The following CNOT4 variants were observed in gnomAD, a reference collection of about 807,000 sequenced individuals.
The protein encoded by CNOT4 is CCR4-associated factor 4.
A neutral mutation model predicts 73.8 loss-of-function variants in CNOT4; 8 were observed. That is an observed-to-expected ratio of 0.11 (90% CI 0.06 to 0.20). The LOEUF (loss-of-function observed/expected upper bound fraction) is 0.20, where lower values mean the gene tolerates loss of function less well. Among genes scored for constraint, CNOT4 ranks in the 10% least tolerant of loss-of-function variants. The pLI is 1.00. For missense variants in CNOT4, 564 were observed against 883.4 expected (o/e 0.64, Z 4.58); for synonymous variants, 293 against 321.1 (o/e 0.91, Z 0.94).
At chr7:135,467,793 A>C (rs1342026647) in intron 1 of CNOT4, among the ~76,000 whole-genome samples, 2 of 152,218 alleles carry the variant, frequency 1.3e-5, no homozygotes, top group East Asian at 3.8e-4. Flanking sequence ...GAATGGTAAA[A>C]ATAAAGGAAA....
At chr7:135,475,770 G>A (rs925771151) in intron 1 of CNOT4, among the ~76,000 whole-genome samples, 2 of 151,992 alleles carry the variant, frequency 1.3e-5, no homozygotes, top group African/African-American at 4.8e-5. Flanking sequence ...AATCAGCCAC[G>A]CATGGTGGTG....
At chr7:135,485,148 C>T (rs1802635221) in intron 1 of CNOT4, among the ~76,000 whole-genome samples, 1 of 152,168 alleles carries the variant, frequency 6.6e-6, no homozygotes, top group South Asian at 2.1e-4. Context: ...TCTTGGCTCA[C>T]TGCAACCTCT....
At chr7:135,423,817 A>G (rs575653089) in intron 2 of CNOT4, among the ~76,000 whole-genome samples, 1 of 152,238 alleles carries the variant, frequency 6.6e-6, no homozygotes, top group South Asian at 2.1e-4. Context: ...CCTATTTGGC[A>G]TACTCCAACT....
Position 135,377,161 on chromosome 7 carries a change from T to A in CNOT4, c.1628-13095A>T, listed in dbSNP as rs10254018. Among the ~76,000 whole-genome samples the A allele has an allele frequency of 3.6e-3, 541 of 152,354 alleles. 6 individuals carry two copies. Among genetic ancestry groups the A allele is most frequent in the African/African-American group, 0.012 (512 of 41,580 alleles). ...CTCTGAAACTCAATGATTTTAGCTA[T>A]GTAAAATGTGTGATTAAAAATTAAG... On this transcript the variant is annotated intron_variant, in intron 10 of 11. Coordinates refer to ENST00000541284, the MANE Select transcript of CNOT4 (RefSeq NM_001190850.2).
intron 2 of CNOT4, among the ~76,000 whole-genome samples, chr7:135,433,920 G>C (rs1477688273): frequency 6.6e-6 from 1 of 152,132 alleles, no homozygotes; most frequent in East Asian, 1.9e-4. Context: ...TTAGCAGCTA[G>C]GACCAAACGG....
chr7:135,482,466 G>A (rs1802443129), intron 1 of CNOT4, among the ~76,000 whole-genome samples: 1 of 152,020 alleles, frequency 6.6e-6, no homozygotes, highest in South Asian at 2.1e-4. Flanking sequence ...TAAAGTGAAA[G>A]GATCGCTTGG....
At chr7:135,493,291 A>G (rs1361788375) in intron 1 of CNOT4, among the ~76,000 whole-genome samples, 3 of 152,196 alleles carry the variant, frequency 2.0e-5, no homozygotes, top group African/African-American at 7.2e-5. Context: ...CCTCTCAAGT[A>G]GCTGGGACTG....
chr7:135,447,746 A>C (rs1345011149), intron 1 of CNOT4, among the ~76,000 whole-genome samples: 1 of 152,226 alleles, frequency 6.6e-6, no homozygotes, highest in Non-Finnish European at 1.5e-5. Context: ...GAAGAGATTC[A>C]AAATACAGGC....
intron 10 of CNOT4, among the ~76,000 whole-genome samples, chr7:135,385,303 TG>T (rs2129483049): frequency 6.6e-6 from 1 of 152,356 alleles, no homozygotes; most frequent in East Asian, 1.9e-4. Context: ...ATACCTCAGC[TG>T]GATCTCCTTA....
At chr7:135,419,814 A>G (rs1798077589) in intron 3 of CNOT4, among the ~76,000 whole-genome samples, 1 of 151,874 alleles carries the variant, frequency 6.6e-6, no homozygotes, top group African/African-American at 2.4e-5. Flanking sequence ...GGGCCGAGGC[A>G]GGTGGATCAC....
chr7:135,435,342 G>A (rs1799088130), intron 2 of CNOT4, among the ~76,000 whole-genome samples: 1 of 152,072 alleles, frequency 6.6e-6, no homozygotes, highest in South Asian at 2.1e-4. Flanking sequence ...AGAACCTGTG[G>A]ATCTATGCTG....
At chr7:135,503,860 G>C (rs758244346) in intron 1 of CNOT4, among the ~76,000 whole-genome samples, 1 of 152,058 alleles carries the variant, frequency 6.6e-6, no homozygotes, top group Non-Finnish European at 1.5e-5. Flanking sequence ...ACTTCAATTA[G>C]AGCATTCACA....
intron 1 of CNOT4, among the ~76,000 whole-genome samples, chr7:135,469,988 A>AT (rs1801473490): frequency 6.6e-6 from 1 of 151,956 alleles, no homozygotes. Flanking sequence ...TGCCTGGCTA[A>AT]TTTTTTGTAT....
intron 7 of CNOT4, among the ~76,000 whole-genome samples, chr7:135,399,950 A>C (rs1273726850): frequency 6.6e-6 from 1 of 152,166 alleles, no homozygotes; most frequent in Non-Finnish European, 1.5e-5. Flanking sequence ...AACATCAGCC[A>C]GTGCTTGCTA....
intron 2 of CNOT4, among the ~76,000 whole-genome samples, chr7:135,424,787 T>C (rs1436300373): frequency 1.3e-5 from 2 of 151,606 alleles, no homozygotes; most frequent in Non-Finnish European, 2.9e-5. Flanking sequence ...AGACTCCTTC[T>C]CAAAAACAAA....
Position 135,395,840 on chromosome 7 carries a change from T to C in CNOT4, c.923A>G (p.Lys308Arg), listed in dbSNP as rs1450615967. The C allele has an allele frequency of 6.2e-7, 1 of 1,611,458 alleles. No individual in the cohort carries two copies. Among genetic ancestry groups the C allele is most frequent in the South Asian group, 1.1e-5 (1 of 91,040 alleles). ...DTPSPPPGLSKSNPVIPISSS... is the reference protein window; with the variant it reads ...DTPSPPPGLSRSNPVIPISSS... ...ACTGATGGGGATGACTGGATTGGAT[T>C]TTGACAAACCAGGTGGTGGTGAAGG... is the stretch of plus-strand genomic sequence containing the variant. Residue 308 changes from lysine (K) to arginine (R), a missense_variant, in exon 9 of 12, where the codon AAA becomes AGA. Physicochemically the swap from Lys to Arg is conservative, Grantham distance 26. Around this residue, in one of 10 missense-constraint regions of CNOT4, gnomAD observed 135 missense variants for 154.0 expected, o/e 0.88. Transcript: ENST00000541284.
At chr7:135,474,660 A>G (rs1801882045) in intron 1 of CNOT4, among the ~76,000 whole-genome samples, 1 of 152,180 alleles carries the variant, frequency 6.6e-6, no homozygotes, top group Non-Finnish European at 1.5e-5. Context: ...TAAGTTTTGC[A>G]TGTCTCTAAT....
intron 1 of CNOT4, among the ~76,000 whole-genome samples, chr7:135,480,984 A>G (rs1802341558): frequency 6.6e-6 from 1 of 151,436 alleles, no homozygotes; most frequent in South Asian, 2.1e-4. Context: ...AAGACCAAAA[A>G]TATAAAACTG....
Position 135,504,314 on chromosome 7 carries a change from G to A in CNOT4, c.-93+5575C>T, listed in dbSNP as rs74605605. Reference sequence around the variant, plus strand: ...CTACTAATTTTTTTTTTTTTTTTTGGAGACAAAGTCTCACTCTGTCACCCA... The same window carrying A: ...CTACTAATTTTTTTTTTTTTTTTTGAAGACAAAGTCTCACTCTGTCACCCA... On this transcript the variant is annotated intron_variant, in intron 1 of 11. Transcript: ENST00000541284. 3.5e-5 allele frequency among the ~76,000 whole-genome samples: 5 copies of A among 143,504 alleles called. 1 individual carries two copies. The highest frequency in any genetic ancestry group is 1.0e-4 in the African/African-American group (4 of 38,666). 94.1% of individuals were successfully genotyped at this position (143,504 alleles called of 152,430 possible).
Sources: allele counts gnomAD v4.1 joint callset (sites outside exome capture counted in the v4.1 genomes callset), GRCh38; gene constraint gnomAD v4.1.1; regional missense constraint gnomAD v4.1.1; transcripts MANE v1.5; gene names NCBI Gene and HGNC (gene_info 2026-07-23, HGNC 2026-07-21).